Variants in PCDH11Y observed in about 807,000 individuals in gnomAD.
PCDH11Y encodes protocadherin-11 Y-linked.
For synonymous variants in PCDH11Y, 9 were observed against 83.6 expected, an observed-to-expected ratio of 0.11 and a Z score of 4.87; for missense variants, 12 against 224.8, an observed-to-expected ratio of 0.05 and a Z score of 6.05.
chrY:5,228,601 A>C, intron 2 of PCDH11Y, among the ~76,000 whole-genome samples: 1 of 30,518 alleles, frequency 3.3e-5, no homozygotes, highest in African/African-American at 1.3e-4. Context: ...GCTGTATTCC[A>C]TAGGTTTTGG....
chrY:5,230,727 A>ATCTTTCT (rs2052967101), intron 2 of PCDH11Y, among the ~76,000 whole-genome samples: 1 of 31,270 alleles, frequency 3.2e-5, no homozygotes, highest in Non-Finnish European at 7.7e-5. Context: ...CCTTTGAATT[A>ATCTTTCT]TCTTTCTACT....
At chrY:5,058,674 T>C (rs2052668758) in intron 1 of PCDH11Y, among the ~76,000 whole-genome samples, 1 of 32,649 alleles carries the variant, frequency 3.1e-5, no homozygotes, top group Admixed American at 2.9e-4. Flanking sequence ...TTCGGTGAAA[T>C]GCAGATATGT....
intron 2 of PCDH11Y, among the ~76,000 whole-genome samples, chrY:5,360,358 T>C (rs2053173494): frequency 3.2e-5 from 1 of 31,037 alleles, no homozygotes; most frequent in African/African-American, 1.3e-4. Flanking sequence ...TGTGTGTGTG[T>C]GTGTATGGTG....
intron 1 of PCDH11Y, among the ~76,000 whole-genome samples, chrY:5,090,314 C>A (rs1602860650): frequency 6.5e-3 from 215 of 33,076 alleles, no homozygotes; most frequent in Admixed American, 0.015. Flanking sequence ...TCTTAAAGGA[C>A]CTTTTTACAA....
chrY:5,602,795 A>G, intron 4 of PCDH11Y, among the ~76,000 whole-genome samples: 1 of 29,474 alleles, frequency 3.4e-5, no homozygotes, highest in Non-Finnish European at 8.0e-5. Flanking sequence ...CTTTTTAATC[A>G]GTTTTACCTA....
At chrY:5,498,300 A>C in intron 2 of PCDH11Y, among the ~76,000 whole-genome samples, 1 of 34,057 alleles carries the variant, frequency 2.9e-5, no homozygotes. Context: ...GCCTATTCCC[A>C]GGAATGGACA....
chrY:5,630,275 C>T, intron 4 of PCDH11Y, among the ~76,000 whole-genome samples: 1 of 33,476 alleles, frequency 3.0e-5, no homozygotes, highest in Non-Finnish European at 7.4e-5. Context: ...GGCCAATACA[C>T]ATTCATATGC....
downstream of PCDH11Y, among the ~76,000 whole-genome samples, chrY:5,108,548 C>T (rs2052797973): frequency 3.3e-5 from 1 of 30,290 alleles, no homozygotes; most frequent in Non-Finnish European, 7.8e-5. Flanking sequence ...GAGATCGAGA[C>T]CATCCTGGCT....
At chrY:5,512,724 C>A (rs2053367184) in intron 3 of PCDH11Y, among the ~76,000 whole-genome samples, 1 of 32,133 alleles carries the variant, frequency 3.1e-5, no homozygotes, top group Non-Finnish European at 7.5e-5. Context: ...TGAAGGAGAG[C>A]AGAGCAGCAA....
At chrY:5,363,644 G>GA (rs2053177064) in intron 2 of PCDH11Y, among the ~76,000 whole-genome samples, 1 of 30,036 alleles carries the variant, frequency 3.3e-5, no homozygotes, top group Non-Finnish European at 7.8e-5. Context: ...GTATGCCCTT[G>GA]AAATTGCATT....
At chrY:5,202,077 A>C in intron 2 of PCDH11Y, among the ~76,000 whole-genome samples, 3 of 33,430 alleles carry the variant, frequency 9.0e-5, no homozygotes, top group Non-Finnish European at 1.5e-4. Flanking sequence ...GAGTGAACTG[A>C]GTCAATGAGC....
At chrY:5,720,706 C>A in intron 4 of PCDH11Y, among the ~76,000 whole-genome samples, 2 of 32,942 alleles carry the variant, frequency 6.1e-5, no homozygotes, top group African/African-American at 1.2e-4. Flanking sequence ...AAGTTGGAAG[C>A]AACCTAAGAG....
intron 4 of PCDH11Y, among the ~76,000 whole-genome samples, chrY:5,603,924 A>G (rs1602949249): frequency 3.9e-5 from 1 of 25,885 alleles, no homozygotes; most frequent in African/African-American, 1.5e-4. Context: ...AGAAAGAAAG[A>G]AAAGAAAGAA....
chrY:5,529,586 C>T, intron 3 of PCDH11Y, among the ~76,000 whole-genome samples: 1 of 31,683 alleles, frequency 3.2e-5, no homozygotes, highest in African/African-American at 1.2e-4. Flanking sequence ...CTCATGTACC[C>T]CATAAATATA....
intron 2 of PCDH11Y, among the ~76,000 whole-genome samples, chrY:5,161,700 G>A: frequency 3.0e-5 from 1 of 33,250 alleles, no homozygotes; most frequent in Admixed American, 2.8e-4. Flanking sequence ...TACACCCTCA[G>A]AAGCATATTT....
At chrY:5,425,430 A>G in intron 2 of PCDH11Y, among the ~76,000 whole-genome samples, 7 of 32,930 alleles carry the variant, frequency 2.1e-4, no homozygotes, top group African/African-American at 8.3e-4. Context: ...AATGAGGATG[A>G]TACCAATCGT....
intron 3 of PCDH11Y, among the ~76,000 whole-genome samples, chrY:5,528,585 A>G: frequency 3.0e-5 from 1 of 33,420 alleles, no homozygotes; most frequent in Non-Finnish European, 7.5e-5. Context: ...GTAATTTACA[A>G]TTTTTATGTG....
chrY:5,603,446 C>G, intron 4 of PCDH11Y, among the ~76,000 whole-genome samples: 2 of 32,795 alleles, frequency 6.1e-5, no homozygotes, highest in African/African-American at 2.4e-4. Context: ...GTTTTTCCCT[C>G]CACATATCTT....
At chrY:5,552,319 T>C (rs2053419344) in intron 3 of PCDH11Y, among the ~76,000 whole-genome samples, 1 of 32,413 alleles carries the variant, frequency 3.1e-5, no homozygotes, top group Non-Finnish European at 7.6e-5. Context: ...GTTTATGAAC[T>C]GTCATAAGAA....
Sources: gnomAD v4.1 joint callset for allele counts (sites outside exome capture counted in the v4.1 genomes callset) on GRCh38, gnomAD v4.1.1 for gene constraint, MANE v1.5 for transcripts, NCBI Gene and HGNC (gene_info 2026-07-23, HGNC 2026-07-21) for gene names.